Variants in SH3RF1 observed in about 807,000 individuals in gnomAD.
SH3RF1 encodes E3 ubiquitin-protein ligase SH3RF1.
Under a neutral mutation model 74.0 loss-of-function variants are expected in SH3RF1, and 32 were observed. The observed-to-expected ratio is 0.43, with a 90% CI of 0.33 to 0.58. SH3RF1 has a LOEUF of 0.58. SH3RF1 is among the 20% of genes least tolerant of loss of function. The pLI is 0.05. For synonymous variants in SH3RF1, 396 were observed against 439.6 expected, an observed-to-expected ratio of 0.90 and a Z score of 1.24; for missense variants, 954 against 1,130.9, an observed-to-expected ratio of 0.84 and a Z score of 2.24.
intron 2 of SH3RF1, among the ~76,000 whole-genome samples, chr4:169,186,721 T>C (rs1026620550): frequency 2.0e-5 from 3 of 151,142 alleles, no homozygotes; most frequent in African/African-American, 7.3e-5. Flanking sequence ...CAAGTCATAT[T>C]AAGATCCGGG....
At chr4:169,148,367 G>A (rs1013126813) in intron 4 of SH3RF1, among the ~76,000 whole-genome samples, 1 of 152,162 alleles carries the variant, frequency 6.6e-6, no homozygotes, top group Non-Finnish European at 1.5e-5. Context: ...TTAGCTACTA[G>A]AGTGTTTATT....
At chr4:169,122,363 T>C (rs1733455667) in intron 6 of SH3RF1, 97 bp from the exon 7 acceptor site, 1 of 1,363,902 alleles carries the variant, frequency 7.3e-7, no homozygotes, top group East Asian at 2.5e-5. Flanking sequence ...GAATTATAAA[T>C]CCATAGAACA....
intron 2 of SH3RF1, among the ~76,000 whole-genome samples, chr4:169,247,964 C>T (rs1314858011): frequency 1.3e-5 from 2 of 152,044 alleles, no homozygotes; most frequent in South Asian, 2.1e-4. Flanking sequence ...GTTAGAATGG[C>T]GATCATTAAA....
At chr4:169,132,519 C>T (rs17054754) in intron 5 of SH3RF1, among the ~76,000 whole-genome samples, 1,805 of 152,226 alleles carry the variant, frequency 0.012, 43 homozygotes, top group African/African-American at 0.041. Flanking sequence ...AATGACTAAA[C>T]GCAGAAGGAC....
chr4:169,231,895 T>C (rs144988399), intron 2 of SH3RF1, among the ~76,000 whole-genome samples: 110 of 152,332 alleles, frequency 7.2e-4, no homozygotes, highest in African/African-American at 2.5e-3. Context: ...TAAAAACCTG[T>C]TATTCTAGAA....
chr4:169,140,606 A>C (rs1191354131), intron 4 of SH3RF1, among the ~76,000 whole-genome samples: 1 of 152,222 alleles, frequency 6.6e-6, no homozygotes, highest in Non-Finnish European at 1.5e-5. Context: ...AATACTGACA[A>C]AAATAATATT....
intron 2 of SH3RF1, among the ~76,000 whole-genome samples, chr4:169,245,897 G>C (rs907518107): frequency 6.6e-6 from 1 of 152,214 alleles, no homozygotes; most frequent in Non-Finnish European, 1.5e-5. Flanking sequence ...GTACTGAAAA[G>C]TGGTCACATT....
At chr4:169,137,247 G>A (rs1733716134) in intron 4 of SH3RF1, among the ~76,000 whole-genome samples, 1 of 152,126 alleles carries the variant, frequency 6.6e-6, no homozygotes, top group African/African-American at 2.4e-5. Flanking sequence ...CTATGTGCAC[G>A]TACTTTAAAT....
intron 2 of SH3RF1, among the ~76,000 whole-genome samples, chr4:169,260,573 G>A (rs1366011557): frequency 1.3e-5 from 2 of 152,244 alleles, no homozygotes; most frequent in East Asian, 3.9e-4. Context: ...AGAACAAGAC[G>A]GACCTCCAGC....
At position 169,261,286 on chromosome 4, in the gene SH3RF1, T is replaced by C. The variant is rs79987319; in HGVS notation, c.393+7534A>G. On this transcript the variant is annotated intron_variant, in intron 2 of 11. Transcript: ENST00000284637. ...AGGAGAGTCTGCTTTCCTGGTCCAC[T>C]GTCATTGTAAAGGAGCTTTATTTGT... 3.7e-3 allele frequency among the ~76,000 whole-genome samples: 563 copies of C among 152,350 alleles called. 5 individuals are homozygous for C. Among genetic ancestry groups the C allele is most frequent in the African/African-American group, 0.013 (543 of 41,580 alleles).
chr4:169,173,927 C>CA (rs1295751116), intron 2 of SH3RF1, among the ~76,000 whole-genome samples: 1 of 152,092 alleles, frequency 6.6e-6, no homozygotes, highest in Non-Finnish European at 1.5e-5. Context: ...ACCCTACCCA[C>CA]ACACCACCAC....
chr4:169,129,603 G>A (rs908352798), intron 6 of SH3RF1, among the ~76,000 whole-genome samples: 1 of 152,288 alleles, frequency 6.6e-6, no homozygotes, highest in Middle Eastern at 3.4e-3. Flanking sequence ...CACAAGACAA[G>A]AAATTAAATA....
chr4:169,163,278 C>T (rs532290801), intron 2 of SH3RF1, among the ~76,000 whole-genome samples: 29 of 149,810 alleles, frequency 1.9e-4, no homozygotes, highest in Non-Finnish European at 2.5e-4. Flanking sequence ...AATTTCAAAA[C>T]GAAAAAATGC....
At chr4:169,192,064 G>C (rs1734722911) in intron 2 of SH3RF1, among the ~76,000 whole-genome samples, 1 of 152,080 alleles carries the variant, frequency 6.6e-6, no homozygotes, top group South Asian at 2.1e-4. Flanking sequence ...TTATACTAAA[G>C]AGCTTTTGCA....
intron 10 of SH3RF1, among the ~76,000 whole-genome samples, chr4:169,114,984 T>C (rs1733307472): frequency 6.6e-6 from 1 of 152,168 alleles, no homozygotes; most frequent in South Asian, 2.1e-4. Context: ...GAAAAAGTAA[T>C]AATGACAATA....
At chr4:169,238,011 T>C (rs1730847821) in intron 2 of SH3RF1, among the ~76,000 whole-genome samples, 1 of 152,142 alleles carries the variant, frequency 6.6e-6, no homozygotes, top group Admixed American at 6.5e-5. Flanking sequence ...CTACACTTGA[T>C]GTCTCCTCTT....
At chr4:169,097,919 G>A (rs1732958860) in intron 11 of SH3RF1, among the ~76,000 whole-genome samples, 1 of 152,212 alleles carries the variant, frequency 6.6e-6, no homozygotes. Context: ...TCTATGGAGA[G>A]GAAACACATG....
At chr4:169,251,863 T>C (rs140507335) in intron 2 of SH3RF1, among the ~76,000 whole-genome samples, 43 of 152,358 alleles carry the variant, frequency 2.8e-4, no homozygotes, top group African/African-American at 9.9e-4. Flanking sequence ...CTCTATTTTA[T>C]TAACAAAACT....
At chr4:169,180,247 A>T (rs759281547) in intron 2 of SH3RF1, among the ~76,000 whole-genome samples, 38 of 121,804 alleles carry the variant, frequency 3.1e-4, no homozygotes, top group Non-Finnish European at 6.4e-4. Flanking sequence ...AAGAATAAAG[A>T]GGTATAGAAA....
Sources: gnomAD v4.1 joint callset for allele counts (sites outside exome capture counted in the v4.1 genomes callset) on GRCh38, gnomAD v4.1.1 for gene constraint, MANE v1.5 for transcripts, NCBI Gene and HGNC (gene_info 2026-07-23, HGNC 2026-07-21) for gene names.